The following DSCAML1 variants were observed in gnomAD, a reference collection of about 807,000 sequenced individuals.
DSCAML1 encodes cell adhesion molecule DSCAML1.
DSCAML1 carries 38 observed loss-of-function variants against 200.5 expected under a neutral mutation model. That is an observed-to-expected ratio of 0.19 (90% CI 0.15 to 0.25). The LOEUF is 0.25. DSCAML1 is among the 10% of genes least tolerant of loss of function. The pLI is 1.00. For synonymous variants in DSCAML1, 1,215 were observed against 1,165.0 expected (o/e 1.04, Z -0.87); for missense variants, 2,223 against 2,858.8 (o/e 0.78, Z 5.07).
At chr11:117,494,923 C>A (rs1042257858) in intron 11 of DSCAML1, among the ~76,000 whole-genome samples, 2 of 152,142 alleles carry the variant, frequency 1.3e-5, no homozygotes, top group Non-Finnish European at 2.9e-5. Flanking sequence ...GCCTTTCAAG[C>A]GCACATGGGC....
intron 19 of DSCAML1, 53 bp from the exon 20 acceptor site, chr11:117,450,741 G>A: frequency 6.3e-7 from 1 of 1,581,762 alleles, no homozygotes; most frequent in Non-Finnish European, 8.6e-7. Context: ...CACAGCCTTT[G>A]GGGAAAATGA....
chr11:117,738,410 C>T (rs1450855499), intron 3 of DSCAML1, among the ~76,000 whole-genome samples: 1 of 151,974 alleles, frequency 6.6e-6, no homozygotes, highest in African/African-American at 2.4e-5. Flanking sequence ...TAGATGCTGA[C>T]GTCAGCCAGA....
At chr11:117,666,610 G>A (rs1441310704) in intron 3 of DSCAML1, among the ~76,000 whole-genome samples, 1 of 152,130 alleles carries the variant, frequency 6.6e-6, no homozygotes, top group African/African-American at 2.4e-5. Flanking sequence ...CCCACCCCCA[G>A]TTCTGCAGAA....
chr11:117,458,532 T>C (rs1032162501), intron 19 of DSCAML1, among the ~76,000 whole-genome samples: 2 of 151,790 alleles, frequency 1.3e-5, no homozygotes, highest in African/African-American at 2.4e-5. Flanking sequence ...CAGGTGTGTA[T>C]GTAGGGGGTG....
intron 3 of DSCAML1, among the ~76,000 whole-genome samples, chr11:117,615,879 G>A (rs141725937): frequency 1.2e-3 from 182 of 152,284 alleles, no homozygotes; most frequent in African/African-American, 4.0e-3. Flanking sequence ...GACTAGGGAT[G>A]GGAGTAGCAC....
Position 117,507,462 on chromosome 11 carries a change from G to C in DSCAML1, c.1784-1730C>G, listed in dbSNP as rs79485109. Reference sequence around the variant, plus strand: ...GGGAGCTGCCTGCAGGGAGCAGCCAGGTGTGGACACAGAAAAACCCAGGCA... The same window carrying C: ...GGGAGCTGCCTGCAGGGAGCAGCCACGTGTGGACACAGAAAAACCCAGGCA... On this transcript the variant is annotated intron_variant, in intron 8 of 32. Coordinates refer to ENST00000651296, the MANE Select transcript of DSCAML1 (RefSeq NM_020693.4). Among the ~76,000 whole-genome samples, 1,004 of 152,332 alleles carry C rather than the reference G, an allele frequency of 6.6e-3. 10 individuals carry two copies. The highest frequency in any genetic ancestry group is 0.033 in the South Asian group (160 of 4,824).
At chr11:117,740,573 C>T (rs930873259) in intron 3 of DSCAML1, among the ~76,000 whole-genome samples, 1 of 152,102 alleles carries the variant, frequency 6.6e-6, no homozygotes, top group Non-Finnish European at 1.5e-5. Flanking sequence ...CAACCCTGGC[C>T]CCCGTCAGCA....
At chr11:117,786,509 TG>T (rs1370243806) in intron 1 of DSCAML1, among the ~76,000 whole-genome samples, 1 of 152,206 alleles carries the variant, frequency 6.6e-6, no homozygotes, top group African/African-American at 2.4e-5. Context: ...CTCCACCGCT[TG>T]CTTGGGCATC....
At chr11:117,702,470 G>A (rs980248909) in intron 3 of DSCAML1, among the ~76,000 whole-genome samples, 10 of 151,986 alleles carry the variant, frequency 6.6e-5, no homozygotes, top group Admixed American at 1.3e-4. Context: ...TTCCCTGACT[G>A]CTCCTCTTTC....
chr11:117,562,690 G>A (rs938411810), intron 3 of DSCAML1, among the ~76,000 whole-genome samples: 31 of 152,196 alleles, frequency 2.0e-4, no homozygotes, highest in African/African-American at 7.2e-4. Context: ...ATGAATGAAC[G>A]AATGAAGGTG....
chr11:117,520,658 C>A (rs936541375), intron 6 of DSCAML1, among the ~76,000 whole-genome samples: 1 of 151,610 alleles, frequency 6.6e-6, no homozygotes, highest in Admixed American at 6.6e-5. Context: ...TCAGCCCAGG[C>A]GGGAGGATCG....
intron 21 of DSCAML1, among the ~76,000 whole-genome samples, chr11:117,443,634 C>T (rs1014024430): frequency 6.6e-6 from 1 of 152,176 alleles, no homozygotes; most frequent in Non-Finnish European, 1.5e-5. Context: ...GGTTTGGACT[C>T]GGGAACTGAG....
At chr11:117,673,221 G>A (rs1056919642) in intron 3 of DSCAML1, among the ~76,000 whole-genome samples, 2 of 152,202 alleles carry the variant, frequency 1.3e-5, no homozygotes, top group Non-Finnish European at 2.9e-5. Context: ...AGTGGAATTA[G>A]GTAGGTAAAT....
chr11:117,520,678 A>G (rs759118096), intron 6 of DSCAML1, among the ~76,000 whole-genome samples: 1 of 152,034 alleles, frequency 6.6e-6, no homozygotes, highest in African/African-American at 2.4e-5. Context: ...GCTTCACCCC[A>G]GTTCAAGACC....
intron 20 of DSCAML1, among the ~76,000 whole-genome samples, chr11:117,450,102 T>C (rs2048256990): frequency 1.3e-5 from 2 of 152,166 alleles, no homozygotes; most frequent in African/African-American, 2.4e-5. Context: ...TCTTTCCTCC[T>C]CCCTCAGCTT....
chr11:117,675,331 T>C (rs1436591452), intron 3 of DSCAML1, among the ~76,000 whole-genome samples: 1 of 152,134 alleles, frequency 6.6e-6, no homozygotes, highest in African/African-American at 2.4e-5. Context: ...AGGATCTCGC[T>C]CTGTTGCTCA....
rs777997580 is a variant in DSCAML1 at position 117,525,097 on chromosome 11, A to G, written c.659-14T>C. 7.9e-6 allele frequency: 12 copies of G among 1,521,188 alleles called. No homozygotes were observed. The highest frequency in any genetic ancestry group is 1.1e-5 in the Non-Finnish European group (12 of 1,141,348). The allele number at this position is 1,521,188 out of a possible 1,614,324, so 94.2% of individuals were successfully genotyped here. On this transcript the variant is annotated splice_polypyrimidine_tract_variant and intron_variant, in intron 4 of 32. Coordinates refer to ENST00000651296, the MANE Select transcript of DSCAML1 (RefSeq NM_020693.4). ...ACTCAGCAGGGTCTGGAAGGCAGAG[A>G]GGGTCGGCAGCCCTGGCCAGCCCTG...
chr11:117,602,932 C>T (rs532565887), intron 3 of DSCAML1, among the ~76,000 whole-genome samples: 16 of 151,646 alleles, frequency 1.1e-4, no homozygotes, highest in Non-Finnish European at 1.9e-4. Context: ...AACCCCGTCT[C>T]TACAAAAAAA....
At chr11:117,784,710 C>T (rs2055320188) in intron 1 of DSCAML1, among the ~76,000 whole-genome samples, 1 of 152,194 alleles carries the variant, frequency 6.6e-6, no homozygotes, top group South Asian at 2.1e-4. Context: ...AACTACCTCC[C>T]CTCTGGGTGC....
Sources: gnomAD v4.1 joint callset for allele counts (sites outside exome capture counted in the v4.1 genomes callset) on GRCh38, gnomAD v4.1.1 for gene constraint, MANE v1.5 for transcripts, NCBI Gene and HGNC (gene_info 2026-07-23, HGNC 2026-07-21) for gene names.